The following COL4A6 variants were observed in gnomAD, a reference collection of about 807,000 sequenced individuals.
The protein encoded by COL4A6 is collagen type IV alpha 6 chain, also known as collagen alpha-6(IV) chain.
Under a neutral mutation model 126.7 loss-of-function variants are expected in COL4A6, and 59 were observed. The ratio of observed to expected loss-of-function variants is 0.47; its 90% CI spans 0.38 to 0.58. COL4A6 has a LOEUF of 0.58. Ranked by LOEUF, COL4A6 falls within the 20% of genes least tolerant of loss-of-function variation. COL4A6 has a pLI of 0.00. For missense variants in COL4A6, 1,285 were observed against 1,337.3 expected (o/e 0.96, Z 0.61); for synonymous variants, 547 against 496.6 (o/e 1.10, Z -1.35).
In COL4A6 at chrX:108,343,159, ATATATAGT is replaced by A. The variant is rs1331980400; in HGVS notation, c.64-32339_64-32332del. ...AATATATATATATATATATATATAT[ATATATAGT>A]GTGTGTGTGTGTGTGTGTGTGTGTG... is the stretch of plus-strand genomic sequence containing the variant. On this transcript the variant is annotated intron_variant, in intron 2 of 44. Coordinates refer to ENST00000334504, the MANE Select transcript of COL4A6 (RefSeq NM_033641.4). Among the ~76,000 whole-genome samples, 96 of 68,935 alleles carry A rather than the reference ATATATAGT, an allele frequency of 1.4e-3. 2 individuals are homozygous for A. Among genetic ancestry groups the A allele is most frequent in the South Asian group, 0.011 (12 of 1,107 alleles). 59.9% of individuals were successfully genotyped at this position (68,935 alleles called of 115,157 possible). A position where few individuals can be genotyped will look rare whatever the true frequency, so the allele number is the denominator to read the frequency against.
chrX:108,257,750 G>A (rs2037044676), intron 3 of COL4A6, among the ~76,000 whole-genome samples: 1 of 111,087 alleles, frequency 9.0e-6, no homozygotes. Context: ...GATCTTGGAA[G>A]CTGCTCTACA....
rs140832834 is a variant in COL4A6, at chrX:108,299,152, T to A, written c.144+11596A>T. ...ATTAGTATCTATGTGGATATGCAGG[T>A]TTAAGCACATTTCTGAATTCATAGA... is the stretch of plus-strand genomic sequence containing the variant. On this transcript the variant is annotated intron_variant, in intron 3 of 44. Transcript: ENST00000334504. 2.0e-3 allele frequency among the ~76,000 whole-genome samples: 224 copies of A among 111,714 alleles called. 1 individual carries two copies. The highest frequency in any genetic ancestry group is 7.1e-3 in the African/African-American group (219 of 30,736).
intron 2 of COL4A6, among the ~76,000 whole-genome samples, chrX:108,333,557 T>C (rs1022872885): frequency 9.0e-6 from 1 of 110,915 alleles, no homozygotes; most frequent in African/African-American, 3.3e-5. Flanking sequence ...GTACTGGAAG[T>C]CCTAGCTAGA....
intron 2 of COL4A6, among the ~76,000 whole-genome samples, chrX:108,315,191 TC>T (rs1265483314): frequency 8.9e-6 from 1 of 112,262 alleles, no homozygotes; most frequent in African/African-American, 3.2e-5. Context: ...TGTACTTTTT[TC>T]CCCCAGATCA....
At chrX:108,249,566 G>A (rs934694177) in intron 3 of COL4A6, among the ~76,000 whole-genome samples, 20 of 111,532 alleles carry the variant, frequency 1.8e-4, no homozygotes, top group African/African-American at 5.9e-4. Context: ...ATTAATGACT[G>A]ATAATGTATT....
At chrX:108,318,583 GACAA>G (rs1296151886) in intron 2 of COL4A6, among the ~76,000 whole-genome samples, 2 of 110,777 alleles carry the variant, frequency 1.8e-5, no homozygotes, top group African/African-American at 6.6e-5. Context: ...ACCAATAACA[GACAA>G]ACAGAGAGAC....
At chrX:108,292,546 G>A (rs2038188062) in intron 3 of COL4A6, among the ~76,000 whole-genome samples, 1 of 111,971 alleles carries the variant, frequency 8.9e-6, no homozygotes, top group African/African-American at 3.3e-5. Context: ...TGAAGGGAAG[G>A]AGATAAGAAC....
intron 3 of COL4A6, among the ~76,000 whole-genome samples, chrX:108,284,269 G>A (rs1409063942): frequency 9.5e-6 from 1 of 105,452 alleles, no homozygotes; most frequent in Non-Finnish European, 1.9e-5. Context: ...AATGAGAACC[G>A]TGGACACAGG....
At chrX:108,406,388 T>C (rs1416631888) in intron 2 of COL4A6, among the ~76,000 whole-genome samples, 2 of 112,581 alleles carry the variant, frequency 1.8e-5, no homozygotes, top group African/African-American at 6.5e-5. Context: ...TCTACTAACC[T>C]TCCGGTATCC....
At position 108,163,032 on chromosome X, in the gene COL4A6, G is replaced by T; in HGVS notation, c.4076C>A (p.Ser1359Tyr). The T allele has an allele frequency of 8.4e-6, 10 of 1,195,443 alleles. No homozygotes were observed. Among genetic ancestry groups the T allele is most frequent in the Middle Eastern group, 2.3e-4 (1 of 4,279 alleles). The change falls in exon 41 of 45, where the codon TCT (serine) becomes TAT (tyrosine). Residue 1359 changes from serine (S) to tyrosine (Y), a missense_variant. Coordinates refer to ENST00000334504, the MANE Select transcript of COL4A6 (RefSeq NM_033641.4). ...TTGTCCAGGATCACCTTGGAGGCCA[G>T]AAGAGCCTGTGGGCAGGTGGGGGAA... is the stretch of plus-strand genomic sequence containing the variant. ...MKGKAGPRGS[S>Y]GLQGDPGQTP...
At chrX:108,383,694 G>C (rs1165593423) in intron 2 of COL4A6, 16 of 505,343 alleles carry the variant, frequency 3.2e-5, no homozygotes, top group African/African-American at 1.2e-4. Flanking sequence ...ACACAGGAGA[G>C]AGTGGTAACT....
At chrX:108,295,241 T>C (rs2038289254) in intron 3 of COL4A6, among the ~76,000 whole-genome samples, 2 of 112,065 alleles carry the variant, frequency 1.8e-5, no homozygotes, top group Admixed American at 9.5e-5. Context: ...GCTCAGGGGA[T>C]GCTGGCAGCT....
chrX:108,241,550 A>AATAT (rs764751621), intron 3 of COL4A6, among the ~76,000 whole-genome samples: 2,020 of 96,719 alleles, frequency 0.021, 20 homozygotes, highest in African/African-American at 0.028. Flanking sequence ...TATAATAGTA[A>AATAT]ATATATATAT....
chrX:108,306,077 A>C (rs2038619327), intron 3 of COL4A6, among the ~76,000 whole-genome samples: 1 of 112,274 alleles, frequency 8.9e-6, no homozygotes. Flanking sequence ...ATGAGGACAG[A>C]ATGCTGGGGG....
intron 3 of COL4A6, among the ~76,000 whole-genome samples, chrX:108,222,029 G>A (rs1383884535): frequency 8.9e-6 from 1 of 112,781 alleles, no homozygotes; most frequent in East Asian, 2.8e-4. Flanking sequence ...TCTGTAAAGT[G>A]TTGAATGTGT....
At chrX:108,181,592 G>C (rs189092597) in intron 23 of COL4A6, among the ~76,000 whole-genome samples, 1 of 112,152 alleles carries the variant, frequency 8.9e-6, no homozygotes, top group East Asian at 2.8e-4. Flanking sequence ...TGACAGGCAA[G>C]TGGTGACCCT....
intron 2 of COL4A6, among the ~76,000 whole-genome samples, chrX:108,363,121 G>C (rs2040616432): frequency 2.7e-5 from 3 of 112,318 alleles, no homozygotes; most frequent in Admixed American, 1.9e-4. Flanking sequence ...GCACACGAGA[G>C]AGTGGACTGT....
intron 2 of COL4A6, among the ~76,000 whole-genome samples, chrX:108,387,431 A>T (rs2040725841): frequency 2.7e-5 from 3 of 111,539 alleles, no homozygotes; most frequent in Admixed American, 9.5e-5. Flanking sequence ...GGTCCTTCAT[A>T]TCCCTTTTAA....
At chrX:108,164,359 C>T (rs991803832) in intron 40 of COL4A6, among the ~76,000 whole-genome samples, 2 of 111,612 alleles carry the variant, frequency 1.8e-5, no homozygotes, top group Admixed American at 9.4e-5. Context: ...CAGAGATTAA[C>T]ACAGAGAGGC....
Sources: gnomAD v4.1 joint callset for allele counts (sites outside exome capture counted in the v4.1 genomes callset) on GRCh38, gnomAD v4.1.1 for gene constraint, MANE v1.5 for transcripts, NCBI Gene and HGNC (gene_info 2026-07-23, HGNC 2026-07-21) for gene names.